Variants in PTPRK observed in about 807,000 individuals in gnomAD.
PTPRK encodes the protein protein tyrosine phosphatase receptor type K, also known as receptor-type tyrosine-protein phosphatase kappa.
Under a neutral mutation model 178.0 loss-of-function variants are expected in PTPRK, and 75 were observed. The ratio of observed to expected loss-of-function variants is 0.42; its 90% CI spans 0.35 to 0.51. The LOEUF (loss-of-function observed/expected upper bound fraction) is 0.51, where lower values mean the gene tolerates loss of function less well. Ranked by LOEUF, PTPRK falls within the 20% of genes least tolerant of loss-of-function variation. The pLI is 0.02. For missense variants in PTPRK, 1,441 were observed against 1,797.8 expected, an observed-to-expected ratio of 0.80 and a Z score of 3.59; for synonymous variants, 637 against 620.6, an observed-to-expected ratio of 1.03 and a Z score of -0.39.
At chr6:128,055,507 T>G (rs1045298176) in intron 13 of PTPRK, among the ~76,000 whole-genome samples, 2 of 152,078 alleles carry the variant, frequency 1.3e-5, no homozygotes, top group Non-Finnish European at 2.9e-5. Flanking sequence ...CATTTATACA[T>G]TTTTTTTCTA....
chr6:128,244,024 T>C (rs1815001347), intron 3 of PTPRK, among the ~76,000 whole-genome samples: 1 of 152,114 alleles, frequency 6.6e-6, no homozygotes, highest in African/African-American at 2.4e-5. Flanking sequence ...GCAGAGAAGG[T>C]AGAACTTACT....
At chr6:128,351,522 A>T (rs757802824) in intron 2 of PTPRK, among the ~76,000 whole-genome samples, 2 of 152,194 alleles carry the variant, frequency 1.3e-5, no homozygotes, top group East Asian at 1.9e-4. Context: ...AAGTAAATTG[A>T]TTAAATGAAT....
chr6:128,262,735 C>CT (rs1818352183), intron 3 of PTPRK, among the ~76,000 whole-genome samples: 1 of 149,486 alleles, frequency 6.7e-6, no homozygotes, highest in South Asian at 2.1e-4. Flanking sequence ...TACGAAAAGT[C>CT]TTTTTTGTGA....
At position 127,985,856 on chromosome 6, in the gene PTPRK, C is replaced by T. The variant is rs762712619; in HGVS notation, c.3116G>A (p.Arg1039His). 14 of 1,610,866 alleles carry T rather than the reference C, an allele frequency of 8.7e-6. No homozygotes were observed. The highest frequency in any genetic ancestry group is 5.3e-5 in the African/African-American group (4 of 74,828). The change falls in exon 22 of 30, where the codon CGT (arginine) becomes CAT (histidine). Residue 1039 changes from arginine to histidine, a missense_variant. Physicochemically the swap from Arg to His is conservative, Grantham distance 29. Coordinates refer to ENST00000368226, the MANE Select transcript of PTPRK (RefSeq NM_002844.4). ...TLERRGYNEIREVKQFHFTGW... is the reference protein window; with the variant it reads ...TLERRGYNEIHEVKQFHFTGW... ...CGTGAAATGGAACTGTTTAACTTCACGGATTTCATTGTACCCCCTCTGTGC... is the reference window on the plus strand; with the variant it reads ...CGTGAAATGGAACTGTTTAACTTCATGGATTTCATTGTACCCCCTCTGTGC...
At chr6:128,180,142 A>G (rs1801687237) in intron 7 of PTPRK, among the ~76,000 whole-genome samples, 1 of 152,114 alleles carries the variant, frequency 6.6e-6, no homozygotes, top group South Asian at 2.1e-4. Flanking sequence ...CAGAAGCAGA[A>G]GGCAATTTAA....
At chr6:127,986,744 A>G (rs892957088) in intron 21 of PTPRK, among the ~76,000 whole-genome samples, 7 of 152,180 alleles carry the variant, frequency 4.6e-5, no homozygotes, top group South Asian at 2.1e-4. Flanking sequence ...TGAACTATCA[A>G]TCTCACTTGT....
At chr6:128,171,833 T>C (rs375954815) in intron 7 of PTPRK, among the ~76,000 whole-genome samples, 9 of 151,978 alleles carry the variant, frequency 5.9e-5, no homozygotes, top group African/African-American at 1.7e-4. Flanking sequence ...ATTTACCCCA[T>C]TTTAACTTTA....
At chr6:128,374,728 G>A (rs1836775620) in intron 2 of PTPRK, among the ~76,000 whole-genome samples, 1 of 152,012 alleles carries the variant, frequency 6.6e-6, no homozygotes, top group African/African-American at 2.4e-5. Flanking sequence ...CCATCCCAAT[G>A]TCTACTCTCC....
Position 127,991,386 on chromosome 6 carries a change from C to T in PTPRK, c.2887G>A (p.Val963Ile), listed in dbSNP as rs202200835. The T allele has an allele frequency of 1.0e-4, 160 of 1,570,328 alleles. 1 individual carries two copies. Among genetic ancestry groups the T allele is most frequent in the Admixed American group, 5.5e-5 (3 of 54,764 alleles). ...CAGAAATCATACACTGTTTCATGAA[C>T]GGGACCTACAAAGAAATTAATTTGA... is the stretch of plus-strand genomic sequence containing the variant. ...PSHYIATQGP[V>I]HETVYDFWRM... The change falls in exon 20 of 30, where the codon GTT becomes ATT. Residue 963 changes from valine (V) to isoleucine (I), a missense_variant. By Grantham distance (29) the Val-to-Ile change is conservative (BLOSUM62 3). Transcript: ENST00000368226.
chr6:128,228,490 C>CAAAA (rs1173094515), intron 5 of PTPRK, among the ~76,000 whole-genome samples: 91 of 74,992 alleles, frequency 1.2e-3, no homozygotes, highest in African/African-American at 3.5e-3. Context: ...ACTAAAAATA[C>CAAAA]AAAAAAAAAA....
At chr6:128,453,482 C>T (rs954570633) in intron 1 of PTPRK, among the ~76,000 whole-genome samples, 5 of 152,114 alleles carry the variant, frequency 3.3e-5, no homozygotes, top group African/African-American at 1.2e-4. Context: ...AAGCTCAAAG[C>T]CTGGCACAAA....
At chr6:128,243,581 C>T (rs1814908269) in intron 3 of PTPRK, among the ~76,000 whole-genome samples, 1 of 149,598 alleles carries the variant, frequency 6.7e-6, no homozygotes, top group Non-Finnish European at 1.5e-5. Flanking sequence ...AGCTACTTCA[C>T]AGACTAAGAG....
chr6:128,277,807 A>C (rs1820967942), intron 3 of PTPRK, among the ~76,000 whole-genome samples: 1 of 151,960 alleles, frequency 6.6e-6, no homozygotes, highest in African/African-American at 2.4e-5. Context: ...TATGGAGAAA[A>C]TTTGCAGAAG....
chr6:128,218,217 G>A (rs1276452323), intron 6 of PTPRK, among the ~76,000 whole-genome samples: 1 of 152,054 alleles, frequency 6.6e-6, no homozygotes, highest in Non-Finnish European at 1.5e-5. Context: ...ATGTGGGTAG[G>A]GACATTGTAT....
At chr6:128,416,384 G>C (rs1056626977) in intron 1 of PTPRK, among the ~76,000 whole-genome samples, 1 of 151,774 alleles carries the variant, frequency 6.6e-6, no homozygotes, top group Non-Finnish European at 1.5e-5. Context: ...GCTCACACCT[G>C]TAATCCCAGC....
chr6:128,295,943 C>A (rs144340790), intron 3 of PTPRK, among the ~76,000 whole-genome samples: 146 of 152,196 alleles, frequency 9.6e-4, no homozygotes, highest in African/African-American at 3.3e-3. Flanking sequence ...GACTTACATC[C>A]TTACAGAGTG....
At chr6:128,234,122 T>C (rs1812798832) in intron 5 of PTPRK, among the ~76,000 whole-genome samples, 1 of 152,350 alleles carries the variant, frequency 6.6e-6, no homozygotes, top group East Asian at 1.9e-4. Flanking sequence ...CCTCAAGTTA[T>C]AAGGTGTTCT....
chr6:128,063,754 CTTT>C (rs1781274233), intron 13 of PTPRK, among the ~76,000 whole-genome samples: 2 of 152,108 alleles, frequency 1.3e-5, no homozygotes, highest in Non-Finnish European at 2.9e-5. Context: ...CATAAAGCTT[CTTT>C]ATTATTCACA....
intron 2 of PTPRK, among the ~76,000 whole-genome samples, chr6:128,342,202 G>A (rs951425697): frequency 6.6e-6 from 1 of 151,228 alleles, no homozygotes; most frequent in South Asian, 2.1e-4. Context: ...GCAGTGAGCC[G>A]AGATCTCACC....
Sources: gnomAD v4.1 joint callset for allele counts (sites outside exome capture counted in the v4.1 genomes callset) on GRCh38, gnomAD v4.1.1 for gene constraint, MANE v1.5 for transcripts, NCBI Gene and HGNC (gene_info 2026-07-23, HGNC 2026-07-21) for gene names.